The following NFXL1 variants were observed in gnomAD, a reference collection of about 807,000 sequenced individuals.
NFXL1 encodes the protein nuclear transcription factor, X-box binding like 1.
Under a neutral mutation model 123.3 loss-of-function variants are expected in NFXL1, and 66 were observed. The observed-to-expected ratio is 0.54, with a 90% confidence interval of 0.44 to 0.66. NFXL1 has a LOEUF of 0.66. Ranked by LOEUF, NFXL1 falls within the 30% of genes least tolerant of loss-of-function variation. The probability of loss-of-function intolerance (pLI) is 0.00; values close to 1 mark genes in which losing one functional copy is unlikely to be tolerated. For synonymous variants in NFXL1, 346 were observed against 360.8 expected (o/e 0.96, Z 0.46); for missense variants, 944 against 1,125.6 (o/e 0.84, Z 2.31).
chr4:47,881,546 A>G (rs1736114827), intron 15 of NFXL1, among the ~76,000 whole-genome samples: 1 of 152,208 alleles, frequency 6.6e-6, no homozygotes, highest in Non-Finnish European at 1.5e-5. Flanking sequence ...AAATGAGCTG[A>G]AAACTTATGT....
intron 19 of NFXL1, among the ~76,000 whole-genome samples, chr4:47,858,641 A>G (rs1734551233): frequency 6.6e-6 from 1 of 152,226 alleles, no homozygotes; most frequent in Non-Finnish European, 1.5e-5. Context: ...ATTGGCAAAC[A>G]ATATTGTTTG....
At chr4:47,848,627 C>A (rs763076421) in intron 22 of NFXL1, among the ~76,000 whole-genome samples, 1 of 152,036 alleles carries the variant, frequency 6.6e-6, no homozygotes, top group Non-Finnish European at 1.5e-5. Flanking sequence ...CGGTGGCTCA[C>A]GCCTGTAATC....
At chr4:47,867,346 A>C (rs1735163005) in intron 18 of NFXL1, among the ~76,000 whole-genome samples, 1 of 152,148 alleles carries the variant, frequency 6.6e-6, no homozygotes, top group East Asian at 1.9e-4. Flanking sequence ...AAAATTTAAT[A>C]AGGCTCCCTG....
intron 18 of NFXL1, among the ~76,000 whole-genome samples, chr4:47,865,158 T>G (rs1466349667): frequency 2.6e-5 from 4 of 152,212 alleles, no homozygotes; most frequent in Admixed American, 6.5e-5. Context: ...GTGTTGATTG[T>G]TGTGTTTTAA....
In NFXL1 at chr4:47,890,680, A is replaced by G. The variant is rs1190347941; in HGVS notation, c.1476T>C (p.Pro492=). ...AAGTCCGTCCACAGTTTTGATCACA[A>G]GGTGGACAGTTTCCAGGGCAACACT... ...RRKCCPGNCP[P]CDQNCGRTLG... The change falls in exon 12 of 23, where the codon CCT becomes CCC. Residue 492 remains proline, a synonymous_variant. Transcript: ENST00000507489. 5 of 1,610,234 alleles carry G rather than the reference A, an allele frequency of 3.1e-6. No individual in the cohort carries two copies. The highest frequency in any genetic ancestry group is 2.2e-5 in the East Asian group (1 of 44,788).
rs1385392980 is a variant in NFXL1 at position 47,885,905 on chromosome 4, T to C, written c.1638A>G (p.Arg546=). The C allele has an allele frequency of 6.2e-7, 1 of 1,614,018 alleles. No homozygotes were observed. The highest frequency in any genetic ancestry group is 8.5e-7 in the Non-Finnish European group (1 of 1,179,904). The change falls in exon 13 of 23, where the codon AGA becomes AGG. Residue 546 remains arginine, a synonymous_variant. Transcript: ENST00000507489. The part of the protein sequence containing the change: ...TVPCGRERTT[R]PPKCKEQCSR... ...TGCATTGCTCCTTGCACTTGGGTGG[T>C]CTTGTGGTACGTTCTCGGCCACAGG...
At chr4:47,895,228 G>A (rs1406979587) in intron 10 of NFXL1, among the ~76,000 whole-genome samples, 1 of 152,058 alleles carries the variant, frequency 6.6e-6, no homozygotes, top group African/African-American at 2.4e-5. Flanking sequence ...ACTAGATTTA[G>A]CAAAATTCAA....
Position 47,878,406 on chromosome 4 carries a change from T to C in NFXL1, c.2079+119A>G, listed in dbSNP as rs1735882257. On this transcript the variant is annotated intron_variant, in intron 17 of 22. Transcript: ENST00000507489. ...AGGAAAGGAAAAGAAGGAGAAGGGA[T>C]GAGGGCAAAAAAAGAGACAGGAAGC... 5.4e-6 allele frequency: 4 copies of C among 733,974 alleles called. No individual in the cohort carries two copies. The South Asian group carries it at 6.4e-5, about 12-fold the overall frequency. 45.5% of individuals were successfully genotyped at this position (733,974 alleles called of 1,614,324 possible). A position where few individuals can be genotyped will look rare whatever the true frequency, so the allele number is the denominator to read the frequency against.
chr4:47,910,442 G>GA (rs942601492), intron 3 of NFXL1, among the ~76,000 whole-genome samples: 5 of 151,872 alleles, frequency 3.3e-5, no homozygotes, highest in African/African-American at 1.2e-4. Flanking sequence ...TTAACATGAT[G>GA]AAAAAAAATG....
chr4:47,865,864 A>C (rs1033546450), intron 18 of NFXL1, among the ~76,000 whole-genome samples: 2 of 151,990 alleles, frequency 1.3e-5, no homozygotes, highest in Non-Finnish European at 2.9e-5. Context: ...AAAAACACCA[A>C]AATTAGCCTG....
At chr4:47,885,797 G>A in intron 13 of NFXL1, 82 bp downstream of exon 13, 1 of 1,489,016 alleles carries the variant, frequency 6.7e-7, no homozygotes, top group Non-Finnish European at 9.2e-7. Flanking sequence ...AAACACTAAA[G>A]CAAAATTAAA....
intron 19 of NFXL1, among the ~76,000 whole-genome samples, chr4:47,860,380 G>A (rs1034711017): frequency 6.6e-6 from 1 of 152,192 alleles, no homozygotes; most frequent in African/African-American, 2.4e-5. Flanking sequence ...TTAAAGGTAT[G>A]TTCTTAACGA....
chr4:47,906,382 A>C, intron 3 of NFXL1, among the ~76,000 whole-genome samples: 1 of 152,198 alleles, frequency 6.6e-6, no homozygotes, highest in Admixed American at 6.5e-5. Flanking sequence ...CAAAAAGAAA[A>C]ATTAAATAAA....
intron 2 of NFXL1, 97 bp from the exon 3 acceptor site, chr4:47,911,091 T>C: frequency 1.5e-6 from 1 of 673,762 alleles, no homozygotes. Context: ...CATTTGAAAG[T>C]CACCTTTGGA....
chr4:47,912,922 A>G (rs1462309073), intron 2 of NFXL1, among the ~76,000 whole-genome samples: 1 of 149,018 alleles, frequency 6.7e-6, no homozygotes, highest in South Asian at 2.1e-4. Context: ...CTGAGGCCGG[A>G]GAACGGCCTG....
At chr4:47,857,575 T>C (rs992381331) in intron 19 of NFXL1, among the ~76,000 whole-genome samples, 1 of 152,264 alleles carries the variant, frequency 6.6e-6, no homozygotes, top group Non-Finnish European at 1.5e-5. Flanking sequence ...GTCTGTCTTT[T>C]CTCTGGCTAG....
rs548572661 is a variant in NFXL1, at chr4:47,865,774, G to A, written c.2247-2859C>T. On this transcript the variant is annotated intron_variant, in intron 18 of 22. Transcript: ENST00000507489. ...CGGAGGCCGAGGAAGGTGAACTGCC[G>A]GAGGCCGAGGAAGGTGAACTGCCAG... Among the ~76,000 whole-genome samples the A allele has an allele frequency of 6.8e-5, 10 of 146,196 alleles. No individual in the cohort carries two copies. In the South Asian group the frequency reaches 1.2e-3, roughly 18 times the overall value.
intron 20 of NFXL1, chr4:47,852,214 G>T: frequency 2.9e-6 from 1 of 341,444 alleles, no homozygotes. Flanking sequence ...CTCCCATGTT[G>T]TTTTTATTCT....
chr4:47,877,358 C>T (rs939425466), intron 17 of NFXL1, among the ~76,000 whole-genome samples: 5 of 152,228 alleles, frequency 3.3e-5, no homozygotes, highest in East Asian at 3.9e-4. Context: ...GCAAGTCCAT[C>T]TGTCAAATAT....
Sources: allele counts gnomAD v4.1 joint callset (sites outside exome capture counted in the v4.1 genomes callset), GRCh38; gene constraint gnomAD v4.1.1; transcripts MANE v1.5; gene names NCBI Gene and HGNC (gene_info 2026-07-23, HGNC 2026-07-21).